FLACC1: variants seen among roughly 807,000 people sequenced by gnomAD.
The protein encoded by FLACC1 is flagellum-associated coiled-coil domain-containing protein 1.
In FLACC1, 66 loss-of-function variants were observed where a neutral mutation model predicts 62.8. The observed-to-expected ratio is 1.05, with a 90% CI of 0.86 to 1.29. The LOEUF (loss-of-function observed/expected upper bound fraction) is 1.29, where lower values mean the gene tolerates loss of function less well. Ranked by LOEUF, FLACC1 falls within the 50% of genes most tolerant of loss-of-function variation. The pLI is 0.00. For synonymous variants in FLACC1, 156 were observed against 161.0 expected (o/e 0.97, Z 0.24); for missense variants, 452 against 489.1 (o/e 0.92, Z 0.71).
Position 201,346,574 on chromosome 2 carries a change from T to A in FLACC1, c.336A>T (p.Glu112Asp). The change falls in exon 5 of 15, where the codon GAA becomes GAT. Residue 112 changes from glutamate to aspartate, a missense_variant. By Grantham distance (45) the Glu-to-Asp change is conservative (BLOSUM62 2). Around this residue, in one of 3 missense-constraint regions of FLACC1, gnomAD observed 147 missense variants for 152.7 expected, o/e 0.96. Transcript: ENST00000392257. This position sits in a 1 kb window ranked among gnomAD's most constrained non-coding sequence, Gnocchi z 4.0. ...DEMFDRKKRWESEIPDKGRFS... is the reference protein window; with the variant it reads ...DEMFDRKKRWDSEIPDKGRFS... Reference sequence around the variant, plus strand: ...ATCTGCCTTTGTCCGGGATCTCCGATTCCCACCGCTTTTTCCTATCAAACA... The same window carrying A: ...ATCTGCCTTTGTCCGGGATCTCCGAATCCCACCGCTTTTTCCTATCAAACA... 1 of 1,614,176 alleles carries A rather than the reference T, an allele frequency of 6.2e-7. No homozygotes were observed. The highest frequency in any genetic ancestry group is 1.1e-5 in the South Asian group (1 of 91,090).
At chr2:201,301,119 T>C (rs1472830417) in intron 11 of FLACC1, among the ~76,000 whole-genome samples, 2 of 151,882 alleles carry the variant, frequency 1.3e-5, no homozygotes, top group African/African-American at 4.8e-5. Flanking sequence ...TGATCAGTAA[T>C]AACAAGCTTC....
chr2:201,319,729 GA>G (rs1234036290), intron 9 of FLACC1, among the ~76,000 whole-genome samples: 1 of 152,182 alleles, frequency 6.6e-6, no homozygotes, highest in East Asian at 1.9e-4. Context: ...AAAGAAGACA[GA>G]AGTTTGTTTG....
intron 12 of FLACC1, among the ~76,000 whole-genome samples, chr2:201,293,895 T>C (rs571731861): frequency 6.6e-6 from 1 of 151,886 alleles, no homozygotes; most frequent in Admixed American, 6.6e-5. Context: ...TATAAACACC[T>C]CTATGCAAAT....
intron 6 of FLACC1, 103 bp from the exon 7 acceptor site, chr2:201,342,534 C>T: frequency 8.7e-7 from 1 of 1,149,912 alleles, no homozygotes; most frequent in Non-Finnish European, 1.3e-6. Context: ...CAGCCGCCTT[C>T]CAATTCATGG....
Position 201,333,487 on chromosome 2 carries a change from T to C in FLACC1, c.525-2654A>G, listed in dbSNP as rs866434742. Among the ~76,000 whole-genome samples the C allele has an allele frequency of 2.0e-5, 3 of 152,080 alleles. No homozygotes were observed. The East Asian group carries it at 5.8e-4, about 29-fold the overall frequency. ...GTTACATATGTATACATGTGCCATG[T>C]TGGTGTGCTGCACCCAGTAACTCGT... On this transcript the variant is annotated intron_variant, in intron 7 of 14. Coordinates refer to ENST00000392257, the MANE Select transcript of FLACC1 (RefSeq NM_001127391.3).
intron 1 of FLACC1, among the ~76,000 whole-genome samples, chr2:201,355,730 T>C (rs2125629457): frequency 6.6e-6 from 1 of 151,944 alleles, no homozygotes; most frequent in African/African-American, 2.4e-5. Flanking sequence ...TATGGTGGAG[T>C]GTGCCTGTAG....
chr2:201,312,343 G>A (rs1237115189), intron 9 of FLACC1, among the ~76,000 whole-genome samples: 1 of 152,094 alleles, frequency 6.6e-6, no homozygotes, highest in Non-Finnish European at 1.5e-5. Context: ...GACACAAAAA[G>A]AATAAAATCC....
chr2:201,350,381 T>A (rs1439851254), intron 3 of FLACC1, among the ~76,000 whole-genome samples: 1 of 151,740 alleles, frequency 6.6e-6, no homozygotes, highest in Admixed American at 6.6e-5. Context: ...CAAGACTCCA[T>A]CTCAAACAAA....
intron 12 of FLACC1, among the ~76,000 whole-genome samples, chr2:201,294,487 A>T (rs1038002360): frequency 1.3e-5 from 2 of 152,064 alleles, no homozygotes; most frequent in Non-Finnish European, 2.9e-5. Flanking sequence ...CATGCTAAAA[A>T]CTCTCAATAA....
chr2:201,343,608 C>G (rs778043741), intron 6 of FLACC1, among the ~76,000 whole-genome samples: 17 of 152,326 alleles, frequency 1.1e-4, no homozygotes, highest in African/African-American at 3.8e-4. Context: ...GAACACAGCA[C>G]TGGCTGTCAC....
At chr2:201,291,753 A>G (rs564140015) in intron 12 of FLACC1, among the ~76,000 whole-genome samples, 1 of 152,356 alleles carries the variant, frequency 6.6e-6, no homozygotes, top group Non-Finnish European at 1.5e-5. Flanking sequence ...GTTCGAACTC[A>G]TGGCCAAGAA....
chr2:201,343,063 G>A (rs183594010), intron 6 of FLACC1, among the ~76,000 whole-genome samples: 10 of 152,270 alleles, frequency 6.6e-5, no homozygotes, highest in Admixed American at 5.9e-4. Context: ...TGACTACTGG[G>A]GAGAAGCCAG....
In FLACC1 at chr2:201,351,425, C is replaced by G. The variant is rs1253953486; in HGVS notation, c.-21G>C. On this transcript the variant is annotated 5_prime_UTR_variant, in exon 2 of 15. Coordinates refer to ENST00000392257, the MANE Select transcript of FLACC1 (RefSeq NM_001127391.3). ...TACATGGCCAAAGGTCAGGGGGAGT[C>G]TTGGCTGCTAGATCAGGAGGCTCTT... 6.4e-7 allele frequency: 1 copy of G among 1,564,888 alleles called. No individual in the cohort carries two copies. Among genetic ancestry groups the G allele is most frequent in the East Asian group, 2.2e-5 (1 of 44,616 alleles).
At chr2:201,345,070 G>C (rs904529667) in intron 5 of FLACC1, among the ~76,000 whole-genome samples, 2 of 152,192 alleles carry the variant, frequency 1.3e-5, no homozygotes, top group African/African-American at 4.8e-5. Flanking sequence ...ACTTTACCAG[G>C]GAATACAACA....
At position 201,309,240 on chromosome 2, in the gene FLACC1, T is replaced by C. The variant is rs1247961122; in HGVS notation, c.686A>G (p.Tyr229Cys). 2.5e-6 allele frequency: 4 copies of C among 1,613,200 alleles called. No individual in the cohort carries two copies. In the East Asian group the frequency reaches 6.7e-5, roughly 27 times the overall value. ...TGACCACTTCTCTTCCATTTCATCA[T>C]AAATACTGTCCTGGGGAGGTACAAA... is the stretch of plus-strand genomic sequence containing the variant. Reference protein sequence around the residue: ...NMFRTYQDSIYDEMEEKWSKQ... With the variant: ...NMFRTYQDSICDEMEEKWSKQ... The change falls in exon 10 of 15, where the codon TAT becomes TGT. Residue 229 changes from tyrosine (Y) to cysteine (C), a missense_variant. Coordinates refer to ENST00000392257, the MANE Select transcript of FLACC1 (RefSeq NM_001127391.3).
In FLACC1 at chr2:201,309,277, G is replaced by GA. The variant is rs1338071636; in HGVS notation, c.676-28dup. ...TGGGGAGGTACAAAGGCACCATGAA[G>GA]AAAAGAGTCCTAAAATGAAGGTGAC... On this transcript the variant is annotated intron_variant, in intron 9 of 14. Coordinates refer to ENST00000392257, the MANE Select transcript of FLACC1 (RefSeq NM_001127391.3). The GA allele has an allele frequency of 2.6e-6, 4 of 1,553,290 alleles. No homozygotes were observed. The Admixed American group carries it at 6.7e-5, about 26-fold the overall frequency.
chr2:201,318,300 C>A (rs1418509702), intron 9 of FLACC1, among the ~76,000 whole-genome samples: 1 of 152,046 alleles, frequency 6.6e-6, no homozygotes, highest in Admixed American at 6.6e-5. Flanking sequence ...GTCATCAGAG[C>A]AAACAGACAA....
At chr2:201,323,935 A>G (rs1396342149) in intron 9 of FLACC1, among the ~76,000 whole-genome samples, 2 of 152,108 alleles carry the variant, frequency 1.3e-5, no homozygotes, top group Admixed American at 1.3e-4. Context: ...CTATAAAGCA[A>G]TAACAGAATG....
intron 9 of FLACC1, among the ~76,000 whole-genome samples, chr2:201,310,447 A>C (rs1345306464): frequency 6.6e-6 from 1 of 152,180 alleles, no homozygotes. Flanking sequence ...GGAAAGTCTC[A>C]GGCCAACTAG....
Sources: allele counts gnomAD v4.1 joint callset (sites outside exome capture counted in the v4.1 genomes callset), GRCh38; gene constraint gnomAD v4.1.1; regional missense constraint gnomAD v4.1.1; non-coding constraint Gnocchi (gnomAD v3.1); transcripts MANE v1.5; gene names NCBI Gene and HGNC (gene_info 2026-07-23, HGNC 2026-07-21).